The following KHDRBS2 variants were observed in gnomAD, a reference collection of about 807,000 sequenced individuals.
KHDRBS2 encodes the protein KH domain-containing, RNA-binding, signal transduction-associated protein 2.
Under a neutral mutation model 44.3 loss-of-function variants are expected in KHDRBS2, and 26 were observed. That is an observed-to-expected ratio of 0.59 (90% CI 0.43 to 0.81). The LOEUF is 0.81. Ranked by LOEUF, KHDRBS2 falls within the 40% of genes least tolerant of loss-of-function variation. The probability of loss-of-function intolerance (pLI) is 0.00; values close to 1 mark genes in which losing one functional copy is unlikely to be tolerated. For synonymous variants in KHDRBS2, 194 were observed against 151.1 expected, an observed-to-expected ratio of 1.28 and a Z score of -2.08; for missense variants, 476 against 433.1, an observed-to-expected ratio of 1.10 and a Z score of -0.88.
chr6:61,920,649 T>C (rs1004977287), intron 4 of KHDRBS2, among the ~76,000 whole-genome samples: 9 of 151,936 alleles, frequency 5.9e-5, no homozygotes, highest in Admixed American at 2.0e-4. Flanking sequence ...CTTGGAAGAT[T>C]AAGGTCTAGG....
chr6:61,754,760 G>C, intron 6 of KHDRBS2, among the ~76,000 whole-genome samples: 1 of 152,096 alleles, frequency 6.6e-6, no homozygotes, highest in East Asian at 1.9e-4. Context: ...AAAAAGATAG[G>C]AGTGCATAGA....
At chr6:61,719,340 G>A (rs1384151291) in intron 7 of KHDRBS2, among the ~76,000 whole-genome samples, 2 of 151,664 alleles carry the variant, frequency 1.3e-5, no homozygotes, top group Non-Finnish European at 2.9e-5. Flanking sequence ...GTATAATTTG[G>A]TTTGGTAGAG....
At chr6:61,609,465 TG>T in the KHDRBS2 span, among the ~76,000 whole-genome samples, 61 of 152,344 alleles carry the variant, frequency 4.0e-4, 1 homozygote, top group Middle Eastern at 3.4e-3. Context: ...ATAATGTTGG[TG>T]AATCCCTTTC....
chr6:62,260,242 G>A lies in KHDRBS2; in HGVS notation c.91+25616C>T, dbSNP rs2150181185. ...GATCTTAAAGATTAATGTAGATTGT[G>A]CTTATCAATAAAAGGACAGATGAGT... On this transcript the variant is annotated intron_variant, in intron 1 of 8. Transcript: ENST00000281156. 3.3e-5 allele frequency among the ~76,000 whole-genome samples: 5 copies of A among 152,136 alleles called. No individual in the cohort carries two copies. The South Asian group carries it at 1.0e-3, about 32-fold the overall frequency.
chr6:62,230,567 T>C (rs1194401952), intron 1 of KHDRBS2, among the ~76,000 whole-genome samples: 1 of 152,222 alleles, frequency 6.6e-6, no homozygotes, highest in African/African-American at 2.4e-5. Flanking sequence ...CTGGCTTTGC[T>C]TCTTTAGAGG....
At chr6:61,633,221 CAG>C in the KHDRBS2 span, among the ~76,000 whole-genome samples, 6 of 151,750 alleles carry the variant, frequency 4.0e-5, no homozygotes, top group East Asian at 1.9e-4. Flanking sequence ...AATAGAGAAA[CAG>C]GGGGGGAAAA....
chr6:61,629,947 A>T, the KHDRBS2 span, among the ~76,000 whole-genome samples: 1 of 152,220 alleles, frequency 6.6e-6, no homozygotes, highest in African/African-American at 2.4e-5. Context: ...TAGTTCTTCT[A>T]TATTCCTACA....
chr6:62,106,417 T>A (rs1803332139), intron 2 of KHDRBS2, among the ~76,000 whole-genome samples: 2 of 152,104 alleles, frequency 1.3e-5, no homozygotes, highest in Admixed American at 1.3e-4. Flanking sequence ...GGAGTCTAAG[T>A]CTCTTTGTAG....
intron 6 of KHDRBS2, among the ~76,000 whole-genome samples, chr6:61,883,445 A>G (rs150656820): frequency 6.6e-6 from 1 of 152,210 alleles, no homozygotes; most frequent in East Asian, 1.9e-4. Context: ...GTGTTACAAA[A>G]GACATTAGTC....
intron 7 of KHDRBS2, among the ~76,000 whole-genome samples, chr6:61,729,256 TTATAAG>T (rs1774055786): frequency 6.6e-6 from 1 of 152,020 alleles, no homozygotes; most frequent in African/African-American, 2.4e-5. Context: ...ATATTCCCAC[TTATAAG>T]TGGGAGCTAA....
intron 3 of KHDRBS2, among the ~76,000 whole-genome samples, chr6:62,010,128 A>T (rs1780026481): frequency 6.6e-6 from 1 of 152,134 alleles, no homozygotes; most frequent in South Asian, 2.1e-4. Context: ...AGCCACAAGG[A>T]CGGAGCTGAC....
At chr6:62,281,594 T>C (rs1841810347) in intron 1 of KHDRBS2, among the ~76,000 whole-genome samples, 1 of 152,130 alleles carries the variant, frequency 6.6e-6, no homozygotes, top group African/African-American at 2.4e-5. Context: ...CACTCTAACC[T>C]GGGCAACAGC....
At chr6:62,083,555 TG>T (rs1797827247) in intron 2 of KHDRBS2, among the ~76,000 whole-genome samples, 1 of 152,114 alleles carries the variant, frequency 6.6e-6, no homozygotes. Context: ...ACATGCCCTC[TG>T]GGGTCCAGGG....
rs571118107 is a variant in KHDRBS2, at chr6:62,101,866, A to T, written c.220-53872T>A. 7.9e-5 allele frequency among the ~76,000 whole-genome samples: 12 copies of T among 152,342 alleles called. No individual in the cohort carries two copies. The South Asian group carries it at 2.5e-3, about 32-fold the overall frequency. On this transcript the variant is annotated intron_variant, in intron 2 of 8. Coordinates refer to ENST00000281156, the MANE Select transcript of KHDRBS2 (RefSeq NM_152688.4). ...TCTGCATCATTCTTTTATTGTACACATCTTCAAAAATTCAAAGAAACAATT... is the reference window on the plus strand; with the variant it reads ...TCTGCATCATTCTTTTATTGTACACTTCTTCAAAAATTCAAAGAAACAATT...
chr6:61,568,675 C>A, the KHDRBS2 span, among the ~76,000 whole-genome samples: 1 of 152,120 alleles, frequency 6.6e-6, no homozygotes, highest in Non-Finnish European at 1.5e-5. Context: ...AGGATTTGTA[C>A]CTTACCTAGA....
intron 6 of KHDRBS2, among the ~76,000 whole-genome samples, chr6:61,836,841 A>G (rs1424291663): frequency 6.6e-6 from 1 of 152,076 alleles, no homozygotes; most frequent in African/African-American, 2.4e-5. Flanking sequence ...TTTGGAGGCC[A>G]AAGTATTTAT....
At chr6:62,258,581 G>A (rs907837608) in intron 1 of KHDRBS2, among the ~76,000 whole-genome samples, 1 of 151,922 alleles carries the variant, frequency 6.6e-6, no homozygotes, top group African/African-American at 2.4e-5. Context: ...GATGTTCAAT[G>A]TACATAAACT....
intron 7 of KHDRBS2, among the ~76,000 whole-genome samples, chr6:61,731,698 G>A (rs1188604876): frequency 7.9e-5 from 12 of 152,028 alleles, no homozygotes; most frequent in Middle Eastern, 3.2e-3. Flanking sequence ...GCAACAGTAA[G>A]TTCCATTGGC....
chr6:61,610,603 G>A, the KHDRBS2 span, among the ~76,000 whole-genome samples: 1 of 152,150 alleles, frequency 6.6e-6, no homozygotes, highest in Non-Finnish European at 1.5e-5. Flanking sequence ...TCCTCACCAT[G>A]TGGACCTCTG....
Sources: allele counts gnomAD v4.1 joint callset (sites outside exome capture counted in the v4.1 genomes callset), GRCh38; gene constraint gnomAD v4.1.1; transcripts MANE v1.5; gene names NCBI Gene and HGNC (gene_info 2026-07-23, HGNC 2026-07-21).